LTBP2: variants seen among roughly 807,000 people sequenced by gnomAD.
The protein encoded by LTBP2 is latent transforming growth factor beta binding protein 2, also known as latent-transforming growth factor beta-binding protein 2.
In LTBP2, 103 loss-of-function variants were observed where a neutral mutation model predicts 210.6. The ratio of observed to expected loss-of-function variants is 0.49; its 90% CI spans 0.42 to 0.58. The LOEUF is 0.58. LTBP2 is among the 20% of genes least tolerant of loss of function. LTBP2 has a pLI of 0.00. For synonymous variants in LTBP2, 1,007 were observed against 1,015.0 expected, an observed-to-expected ratio of 0.99 and a Z score of 0.15; for missense variants, 2,313 against 2,494.5, an observed-to-expected ratio of 0.93 and a Z score of 1.55.
Position 74,586,144 on chromosome 14 carries a change from A to G in LTBP2, c.566-26T>C, listed in dbSNP as rs753205021. On this transcript the variant is annotated intron_variant, in intron 2 of 35. Transcript: ENST00000261978. The surrounding 1 kb of genome is among the most constrained non-coding windows in gnomAD (Gnocchi z 4.6). ...CTGAGGACACAGGGAGAGAGGTGAC[A>G]GCAGTGGCCATAGGGCACTGAGACC... 7 of 1,580,882 alleles carry G rather than the reference A, an allele frequency of 4.4e-6. No individual in the cohort carries two copies. The highest frequency in any genetic ancestry group is 6.0e-6 in the Non-Finnish European group (7 of 1,164,906).
rs536920519 is a variant in LTBP2, at chr14:74,558,896, C to G, written c.831-3203G>C. On this transcript the variant is annotated intron_variant, in intron 3 of 35. Transcript: ENST00000261978. ...CTGGGCCAGACAGATGTTGGTTCTG[C>G]CTCTTACTAGCAGCACAGCCTTGAG... Among the ~76,000 whole-genome samples the G allele has an allele frequency of 2.6e-5, 4 of 152,242 alleles. No homozygotes were observed. In the South Asian group the frequency reaches 6.2e-4, roughly 24 times the overall value.
chr14:74,524,426 C>T (rs1411470683), intron 15 of LTBP2, among the ~76,000 whole-genome samples: 1 of 152,050 alleles, frequency 6.6e-6, no homozygotes, highest in African/African-American at 2.4e-5. Flanking sequence ...CACAAGGTGA[C>T]TGGGTCTCTG....
At chr14:74,597,240 A>C (rs2088379108) in intron 2 of LTBP2, among the ~76,000 whole-genome samples, 1 of 152,184 alleles carries the variant, frequency 6.6e-6, no homozygotes, top group Non-Finnish European at 1.5e-5. Context: ...TTAGTATTGC[A>C]TGTCAATTGT....
At position 74,532,422 on chromosome 14, in the gene LTBP2, TCA is replaced by T; in HGVS notation, c.1987+2_1987+3del. ...ACCCCCACCCCATCCCTGCCAGCAC[TCA>T]CACACACAGCGGCTCCGCGATGGAT... On this transcript the variant is annotated splice_donor_variant and splice_donor_region_variant and intron_variant, in intron 10 of 35. Transcript: ENST00000261978. LOFTEE classifies it high-confidence loss of function. 1.2e-6 allele frequency: 2 copies of T among 1,613,196 alleles called. No homozygotes were observed. Among genetic ancestry groups the T allele is most frequent in the South Asian group, 1.1e-5 (1 of 91,058 alleles).
In LTBP2 at chr14:74,499,977, G is replaced by A; in HGVS notation, c.*907C>T. The A allele has an allele frequency of 4.3e-6, 1 of 231,220 alleles. No individual in the cohort carries two copies. The highest frequency in any genetic ancestry group is 6.1e-5 in the East Asian group (1 of 16,344). The allele number at this position is 231,220 out of a possible 1,614,324, so 14.3% of individuals were successfully genotyped here. ...CTTTTTACTTTTAGCACATCAAACT[G>A]GTTTTCACAAAAGGAGATCCCAGAA... On this transcript the variant is annotated 3_prime_UTR_variant, in exon 36 of 36. Transcript: ENST00000261978.
Position 74,499,952 on chromosome 14 carries a change from C to CTT in LTBP2, c.*930_*931dup, listed in dbSNP as rs1326856357. 22 of 230,524 alleles carry CTT rather than the reference C, an allele frequency of 9.5e-5. No individual in the cohort carries two copies. The highest frequency in any genetic ancestry group is 3.4e-5 in the Non-Finnish European group (4 of 116,434). 14.3% of individuals were successfully genotyped at this position (230,524 alleles called of 1,614,324 possible). The stretch of plus-strand genomic sequence containing the variant: ...GAACAAGACCACACTGGAAAATAGA[C>CTT]TTTTTACTTTTAGCACATCAAACTG... On this transcript the variant is annotated 3_prime_UTR_variant, in exon 36 of 36. Transcript: ENST00000261978.
At chr14:74,594,332 T>G (rs2088326205) in intron 2 of LTBP2, among the ~76,000 whole-genome samples, 1 of 152,150 alleles carries the variant, frequency 6.6e-6, no homozygotes, top group African/African-American at 2.4e-5. Context: ...GGTGGGCCCC[T>G]TTAGCCTCTC....
intron 3 of LTBP2, among the ~76,000 whole-genome samples, chr14:74,572,461 T>TTA (rs1555352315): frequency 6.6e-6 from 1 of 150,520 alleles, no homozygotes; most frequent in Non-Finnish European, 1.5e-5. Flanking sequence ...TTTTTTTTTT[T>TTA]AAACTGTGAT....
intron 6 of LTBP2, 92 bp downstream of exon 6, chr14:74,552,095 G>T: frequency 1.6e-6 from 2 of 1,224,274 alleles, no homozygotes; most frequent in Non-Finnish European, 2.3e-6. Flanking sequence ...ACTACAGGCA[G>T]CTTCCCTATC....
At chr14:74,532,316 G>A (rs2087360572) in intron 10 of LTBP2, 110 bp downstream of exon 10, 2 of 1,466,156 alleles carry the variant, frequency 1.4e-6, no homozygotes, top group South Asian at 2.3e-5. Flanking sequence ...CCCTGAGCAT[G>A]GCGTGATCAG....
intron 16 of LTBP2, 47 bp downstream of exon 16, chr14:74,522,743 C>T: frequency 6.3e-7 from 1 of 1,581,830 alleles, no homozygotes; most frequent in East Asian, 2.3e-5. Flanking sequence ...GCCCCTGCTC[C>T]CATCTACCCC....
chr14:74,607,924 T>C (rs1017059823), intron 1 of LTBP2, among the ~76,000 whole-genome samples: 18 of 151,902 alleles, frequency 1.2e-4, no homozygotes, highest in African/African-American at 4.3e-4. Flanking sequence ...GTTTTTTTTT[T>C]TTTTTTTGAG....
intron 3 of LTBP2, among the ~76,000 whole-genome samples, chr14:74,584,779 C>G (rs1284490753): frequency 1.3e-5 from 2 of 152,088 alleles, no homozygotes; most frequent in Non-Finnish European, 2.9e-5. Context: ...GCCCCGGAAC[C>G]CAGCTCACCA....
At chr14:74,517,092 G>T in intron 17 of LTBP2, 151 bp from the exon 18 acceptor site, 1 of 971,860 alleles carries the variant, frequency 1.0e-6, no homozygotes, top group Non-Finnish European at 1.6e-6. Flanking sequence ...AGCCACAATT[G>T]CCTGGAGGGG....
Position 74,502,449 on chromosome 14 carries a change from T to C in LTBP2, c.5170+204A>G, listed in dbSNP as rs567023047. 235 of 695,616 alleles carry C rather than the reference T, an allele frequency of 3.4e-4. 2 individuals are homozygous for C. In the African/African-American group the frequency reaches 3.7e-3, roughly 11 times the overall value. The allele number at this position is 695,616 out of a possible 1,614,324, so 43.1% of individuals were successfully genotyped here. ...AGTGTCCTGTACCTTTTTGTGTCCC[T>C]GTGATAGTTTATGACGGAGTTGTTA... On this transcript the variant is annotated intron_variant, in intron 34 of 35. Coordinates refer to ENST00000261978, the MANE Select transcript of LTBP2 (RefSeq NM_000428.3).
chr14:74,598,066 A>G (rs920614338), intron 2 of LTBP2, among the ~76,000 whole-genome samples: 1 of 152,214 alleles, frequency 6.6e-6, no homozygotes, highest in Non-Finnish European at 1.5e-5. Context: ...ATATGGGGAA[A>G]CTGAGGCAGA....
chr14:74,498,801 T>C lies in LTBP2; in HGVS notation c.*2083A>G, dbSNP rs2086878805. 4.3e-6 allele frequency: 1 copy of C among 230,088 alleles called. No individual in the cohort carries two copies. The highest frequency in any genetic ancestry group is 2.2e-5 in the African/African-American group (1 of 45,156). 14.3% of individuals were successfully genotyped at this position (230,088 alleles called of 1,614,324 possible). A position where few individuals can be genotyped will look rare whatever the true frequency, so the allele number is the denominator to read the frequency against. On this transcript the variant is annotated 3_prime_UTR_variant, in exon 36 of 36. Coordinates refer to ENST00000261978, the MANE Select transcript of LTBP2 (RefSeq NM_000428.3). The stretch of plus-strand genomic sequence containing the variant: ...TCTCTTTCCCCATTCTTTAGACAAA[T>C]AGTGTTATGTTACATGCTGTTATGC...
rs1309322227 is a variant in LTBP2, at chr14:74,499,171, A to AATC, written c.*1710_*1712dup. On this transcript the variant is annotated 3_prime_UTR_variant, in exon 36 of 36. Transcript: ENST00000261978. ...CTTAACAAGCTTTTTGATCTTTGCCAATCTGACAGTTTTAAAAAGGATCTC... is the reference window on the plus strand; with the variant it reads ...CTTAACAAGCTTTTTGATCTTTGCCAATCATCTGACAGTTTTAAAAAGGATCTC... 4.6e-6 allele frequency: 1 copy of AATC among 215,704 alleles called. No individual in the cohort carries two copies. Among genetic ancestry groups the AATC allele is most frequent in the African/African-American group, 2.3e-5 (1 of 44,374 alleles). 13.4% of individuals were successfully genotyped at this position (215,704 alleles called of 1,614,324 possible). A position where few individuals can be genotyped will look rare whatever the true frequency, so the allele number is the denominator to read the frequency against.
intron 27 of LTBP2, 108 bp downstream of exon 27, chr14:74,506,590 G>T (rs751580491): frequency 6.4e-5 from 98 of 1,539,272 alleles, no homozygotes; most frequent in Non-Finnish European, 8.3e-5. Context: ...CCTTGCCCAT[G>T]CTCTGGGGAC....
Sources: allele counts gnomAD v4.1 joint callset (sites outside exome capture counted in the v4.1 genomes callset), GRCh38; gene constraint gnomAD v4.1.1; non-coding constraint Gnocchi (gnomAD v3.1); transcripts MANE v1.5; gene names NCBI Gene and HGNC (gene_info 2026-07-23, HGNC 2026-07-21).